Variants in LHX1 observed in about 807,000 individuals in gnomAD.
LHX1 encodes LIM homeobox 1.
Under a neutral mutation model 34.1 loss-of-function variants are expected in LHX1, and 9 were observed. The observed-to-expected ratio is 0.26, with a 90% CI of 0.16 to 0.46. The LOEUF is 0.46. Among genes scored for constraint, LHX1 ranks in the 20% least tolerant of loss-of-function variants. The pLI is 1.00. For missense variants in LHX1, 446 were observed against 559.1 expected (o/e 0.80, Z 2.04); for synonymous variants, 254 against 241.5 (o/e 1.05, Z -0.48).
Position 36,943,912 on chromosome 17 carries a change from T to C in LHX1, c.*781T>C, listed in dbSNP as rs1211910631. The C allele has an allele frequency of 1.5e-5, 2 of 137,480 alleles. No homozygotes were observed. Among genetic ancestry groups the C allele is most frequent in the Non-Finnish European group, 3.1e-5 (2 of 64,958 alleles). The allele number at this position is 137,480 out of a possible 1,614,324, so 8.5% of individuals were successfully genotyped here. On this transcript the variant is annotated 3_prime_UTR_variant, in exon 5 of 5. Coordinates refer to ENST00000614239, the MANE Select transcript of LHX1 (RefSeq NM_005568.5). ...CATCAGCTGTACAAGAAAAGTATTC[T>C]ACCTTCACACACAAAAAGTTAAAAA... is the stretch of plus-strand genomic sequence containing the variant.
At chr17:36,937,280 C>G (rs1357833674), upstream of LHX1, 1 of 442,034 alleles carries the variant, frequency 2.3e-6, no homozygotes, top group African/African-American at 2.0e-5. Flanking sequence ...CCCGAAGGAG[C>G]CCGGGCGCAG....
chr17:36,942,179 C>G, intron 3 of LHX1, 21 bp from the exon 4 acceptor site: 2 of 1,573,074 alleles, frequency 1.3e-6, no homozygotes, highest in Non-Finnish European at 1.7e-6. Context: ...GGTGGCCTCA[C>G]CCCGCCGCCA....
chr17:36,940,720 G>A lies in LHX1; in HGVS notation c.508G>A (p.Glu170Lys). Residue 170 changes from glutamate (E) to lysine (K), a missense_variant, in exon 3 of 5, where the codon GAG (glutamate) becomes AAG (lysine). This residue lies in a region of LHX1 where 168 missense variants were observed against 226.6 expected (regional missense o/e 0.74). Coordinates refer to ENST00000614239, the MANE Select transcript of LHX1 (RefSeq NM_005568.5). ...NVSDKEAGSNENDDQNLGAKR... is the reference protein window; with the variant it reads ...NVSDKEAGSNKNDDQNLGAKR... ...GTCGGACAAGGAAGCGGGTAGCAAC[G>A]AGAATGACGACCAGAACCTGGGCGC... The A allele has an allele frequency of 6.2e-7, 1 of 1,613,782 alleles. No homozygotes were observed. Among genetic ancestry groups the A allele is most frequent in the Non-Finnish European group, 8.5e-7 (1 of 1,180,052 alleles).
At position 36,940,428 on chromosome 17, in the gene LHX1, A is replaced by T. The variant is rs559132743; in HGVS notation, c.309A>T (p.Glu103Asp). 1 of 1,614,054 alleles carries T rather than the reference A, an allele frequency of 6.2e-7. No individual in the cohort carries two copies. Among genetic ancestry groups the T allele is most frequent in the African/African-American group, 1.3e-5 (1 of 75,024 alleles). ...ACAAGCAGCTCTCCACTGGCGAGGA[A>T]CTCTACATCATCGACGAGAATAAGT... ...MCNKQLSTGE[E>D]LYIIDENKFV... The change falls in exon 2 of 5, where the codon GAA becomes GAT. Residue 103 changes from glutamate (E) to aspartate (D), a missense_variant. By Grantham distance (45) the Glu-to-Asp change is conservative (BLOSUM62 2). Transcript: ENST00000614239.
At chr17:36,942,504 A>G in intron 4 of LHX1, 139 bp downstream of exon 4, 1 of 999,296 alleles carries the variant, frequency 1.0e-6, no homozygotes, top group South Asian at 1.7e-5. Context: ...CTGGGAGTAA[A>G]TCAAGGGGAG....
In LHX1 at chr17:36,943,394, A is replaced by C; in HGVS notation, c.*263A>C. On this transcript the variant is annotated 3_prime_UTR_variant, in exon 5 of 5. Coordinates refer to ENST00000614239, the MANE Select transcript of LHX1 (RefSeq NM_005568.5). ...CAAAGGAAACGCAGACCTCTCCCCA[A>C]CTCCCACCTGGACCCGGATCCGTAG... 2 of 427,100 alleles carry C rather than the reference A, an allele frequency of 4.7e-6. No individual in the cohort carries two copies. Among genetic ancestry groups the C allele is most frequent in the Admixed American group, 4.2e-5 (1 of 23,762 alleles). 26.5% of individuals were successfully genotyped at this position (427,100 alleles called of 1,614,324 possible).
chr17:36,940,962 A>T (rs1489017295), intron 3 of LHX1, 75 bp downstream of exon 3: 1 of 1,535,382 alleles, frequency 6.5e-7, no homozygotes. Context: ...GAGCCAGGAG[A>T]GCCCAGAATC....
At position 36,942,881 on chromosome 17, in the gene LHX1, T is replaced by A; in HGVS notation, c.971T>A (p.Leu324Gln). Reference protein sequence around the residue: ...VPSSGPSGTPLGGLEHPLPGH... With the variant: ...VPSSGPSGTPQGGLEHPLPGH... Reference sequence around the variant, plus strand: ...TCATCTGGGCCGTCCGGGACGCCCCTGGGTGGCCTGGAGCACCCGCTGCCG... The same window carrying A: ...TCATCTGGGCCGTCCGGGACGCCCCAGGGTGGCCTGGAGCACCCGCTGCCG... Residue 324 changes from leucine (L) to glutamine (Q), a missense_variant, in exon 5 of 5, where the codon CTG becomes CAG. By Grantham distance (113) the Leu-to-Gln change is moderately radical (BLOSUM62 -2). This residue lies in a region of LHX1 where 235 missense variants were observed against 224.4 expected (regional missense o/e 1.05). Transcript: ENST00000614239. The A allele has an allele frequency of 6.3e-7, 1 of 1,594,482 alleles. No homozygotes were observed. Among genetic ancestry groups the A allele is most frequent in the Non-Finnish European group, 8.5e-7 (1 of 1,170,502 alleles).
chr17:36,942,346 T>C lies in LHX1; in HGVS notation c.822T>C (p.Gly274=). 2 of 1,587,400 alleles carry C rather than the reference T, an allele frequency of 1.3e-6. No homozygotes were observed. Among genetic ancestry groups the C allele is most frequent in the Non-Finnish European group, 1.7e-6 (2 of 1,167,900 alleles). ...RLEPGELIPN[G]PFSFYGDYQS... is the part of the protein sequence containing the mutation. ...AGCCGGGCGAGCTCATCCCCAATGG[T>C]CCCTTCTCCTTCTACGGAGGTGGGT... is the stretch of plus-strand genomic sequence containing the variant. Residue 274 remains glycine (G), a synonymous_variant, in exon 4 of 5, where the codon GGT becomes GGC. Coordinates refer to ENST00000614239, the MANE Select transcript of LHX1 (RefSeq NM_005568.5).
chr17:36,940,258 C>CGGGGGGGGGGGGGGGGGGGGGGGGGG, intron 1 of LHX1, 32 bp from the exon 2 acceptor site: 5 of 528,900 alleles, frequency 9.5e-6, no homozygotes, highest in East Asian at 3.5e-5. Flanking sequence ...GACCCATCCC[C>CGGGGGGGGGGGGGGGGGGGGGGGGGG]GCCCCCGCCC....
intron 3 of LHX1, 88 bp from the exon 4 acceptor site, chr17:36,942,112 G>C: frequency 7.2e-7 from 1 of 1,393,792 alleles, no homozygotes; most frequent in Non-Finnish European, 9.8e-7. Flanking sequence ...CGGCTAGCCA[G>C]GCGGTGAAGG....
Position 36,943,313 on chromosome 17 carries a change from T to G in LHX1, c.*182T>G. On this transcript the variant is annotated 3_prime_UTR_variant, in exon 5 of 5. Coordinates refer to ENST00000614239, the MANE Select transcript of LHX1 (RefSeq NM_005568.5). Reference sequence around the variant, plus strand: ...ACACGAAATAGGATCCAAATCGGCCTCGAGGTGGGACTGGGATCCGCGCAC... The same window carrying G: ...ACACGAAATAGGATCCAAATCGGCCGCGAGGTGGGACTGGGATCCGCGCAC... 7 of 710,794 alleles carry G rather than the reference T, an allele frequency of 9.8e-6. No homozygotes were observed. Among genetic ancestry groups the G allele is most frequent in the African/African-American group, 1.8e-5 (1 of 54,898 alleles). The allele number at this position is 710,794 out of a possible 1,614,324, so 44.0% of individuals were successfully genotyped here. A position where few individuals can be genotyped will look rare whatever the true frequency, so the allele number is the denominator to read the frequency against.
In LHX1 at chr17:36,937,759, A is replaced by C; in HGVS notation, c.-439A>C. 2.1e-6 allele frequency: 1 copy of C among 468,168 alleles called. No individual in the cohort carries two copies. The highest frequency in any genetic ancestry group is 1.5e-5 in the South Asian group (1 of 64,562). 29.0% of individuals were successfully genotyped at this position (468,168 alleles called of 1,614,324 possible). ...GACAGCTCTACCTCAAGCCCCGGAG[A>C]ACTCAGCGGCGCTTTCCTCGCAACC... On this transcript the variant is annotated 5_prime_UTR_variant, in exon 1 of 5. Coordinates refer to ENST00000614239, the MANE Select transcript of LHX1 (RefSeq NM_005568.5).
In LHX1 at chr17:36,942,399, G is replaced by A; in HGVS notation, c.841+34G>A. 3.2e-6 allele frequency: 5 copies of A among 1,552,872 alleles called. No individual in the cohort carries two copies. In the Admixed American group the frequency reaches 9.7e-5, roughly 30 times the overall value. On this transcript the variant is annotated intron_variant, in intron 4 of 4. Transcript: ENST00000614239. ...GCGCCGAATGGCGGGGCGCGGCCAG[G>A]TCGGGGCGGGCTTCGTTGGAAGCGG... is the stretch of plus-strand genomic sequence containing the variant.
chr17:36,939,892 G>C (rs2070752729), intron 1 of LHX1, among the ~76,000 whole-genome samples: 2 of 152,258 alleles, frequency 1.3e-5, no homozygotes, highest in South Asian at 4.1e-4. Flanking sequence ...CGACTTTTCT[G>C]AATCTAATCG....
intron 4 of LHX1, among the ~76,000 whole-genome samples, 169 bp from the exon 5 acceptor site, chr17:36,942,583 G>A (rs1383302578): frequency 6.6e-6 from 1 of 152,234 alleles, no homozygotes; most frequent in Non-Finnish European, 1.5e-5. Flanking sequence ...CAGCTCCCGG[G>A]CTTGCGCCCA....
In LHX1 at chr17:36,937,979, G is replaced by A. The variant is rs75587965; in HGVS notation, c.-219G>A. 353 of 609,262 alleles carry A rather than the reference G, an allele frequency of 5.8e-4. 4 individuals carry two copies. The East Asian group carries it at 9.1e-3, about 16-fold the overall frequency. 37.7% of individuals were successfully genotyped at this position (609,262 alleles called of 1,614,324 possible). ...CCAGCCCGGGGCCCCGGGACTCCCC[G>A]GCTGCACACTTCACTGAGACGCCCC... On this transcript the variant is annotated 5_prime_UTR_variant, in exon 1 of 5. Coordinates refer to ENST00000614239, the MANE Select transcript of LHX1 (RefSeq NM_005568.5).
chr17:36,940,369 T>C lies in LHX1; in HGVS notation c.250T>C (p.Phe84Leu). The change falls in exon 2 of 5, where the codon TTT (phenylalanine) becomes CTT (leucine). Residue 84 changes from phenylalanine (F) to leucine (L), a missense_variant. By Grantham distance (22) the Phe-to-Leu change is conservative. Transcript: ENST00000614239. ...DLVRRARSKV[F>L]HLNCFTCMMC... ...GGTGCGGAGAGCGCGGAGCAAAGTG[T>C]TTCACCTGAACTGCTTCACCTGCAT... 6.2e-7 allele frequency: 1 copy of C among 1,610,708 alleles called. No homozygotes were observed. Among genetic ancestry groups the C allele is most frequent in the Non-Finnish European group, 8.5e-7 (1 of 1,179,568 alleles).
chr17:36,938,864 G>A, intron 1 of LHX1: 1 of 278,660 alleles, frequency 3.6e-6, no homozygotes, highest in Non-Finnish European at 7.1e-6. Flanking sequence ...CCTGTCAGCG[G>A]CAGGAAAGAA....
Sources: allele counts gnomAD v4.1 joint callset (sites outside exome capture counted in the v4.1 genomes callset), GRCh38; gene constraint gnomAD v4.1.1; regional missense constraint gnomAD v4.1.1; transcripts MANE v1.5; gene names NCBI Gene and HGNC (gene_info 2026-07-23, HGNC 2026-07-21).